ELK3: variants seen among roughly 807,000 people sequenced by gnomAD.
The protein encoded by ELK3 is ETS domain-containing protein Elk-3.
A neutral mutation model predicts 28.9 loss-of-function variants in ELK3; 10 were observed. That is an observed-to-expected ratio of 0.35 (90% CI 0.21 to 0.59). ELK3 has a LOEUF of 0.59. ELK3 is among the 20% of genes least tolerant of loss of function. The probability of loss-of-function intolerance (pLI) is 0.82; values close to 1 mark genes in which losing one functional copy is unlikely to be tolerated. For missense variants in ELK3, 463 were observed against 517.3 expected, an observed-to-expected ratio of 0.90 and a Z score of 1.02; for synonymous variants, 272 against 243.5, an observed-to-expected ratio of 1.12 and a Z score of -1.09.
rs375793862 is a variant in ELK3, at chr12:96,267,669, T to C, written c.*489T>C. 1 of 152,764 alleles carries C rather than the reference T, an allele frequency of 6.5e-6. No individual in the cohort carries two copies. The highest frequency in any genetic ancestry group is 2.1e-4 in the South Asian group (1 of 4,838). The allele number at this position is 152,764 out of a possible 1,614,324, so 9.5% of individuals were successfully genotyped here. On this transcript the variant is annotated 3_prime_UTR_variant, in exon 5 of 5. Coordinates refer to ENST00000228741, the MANE Select transcript of ELK3 (RefSeq NM_005230.4). The stretch of plus-strand genomic sequence containing the variant: ...TATCAAACAGCTCTCTAGTAGAATT[T>C]CATTATTTTTCACCAGTGGGCAATA...
chr12:96,266,764 A>G (rs1952034784), intron 4 of ELK3, among the ~76,000 whole-genome samples: 1 of 152,202 alleles, frequency 6.6e-6, no homozygotes, highest in African/African-American at 2.4e-5. Context: ...CATTATCAGC[A>G]TCCTGAGTAG....
At chr12:96,251,332 T>C (rs1169066685) in intron 3 of ELK3, among the ~76,000 whole-genome samples, 2 of 152,260 alleles carry the variant, frequency 1.3e-5, no homozygotes, top group Non-Finnish European at 2.9e-5. Flanking sequence ...GTGTTGTGTG[T>C]GTCCCAACTG....
At chr12:96,202,967 C>T (rs990104868) in intron 1 of ELK3, among the ~76,000 whole-genome samples, 1 of 152,164 alleles carries the variant, frequency 6.6e-6, no homozygotes, top group African/African-American at 2.4e-5. Flanking sequence ...ACTGCAACCT[C>T]TGCCTCCTGG....
intron 3 of ELK3, among the ~76,000 whole-genome samples, chr12:96,253,268 A>AAAAT (rs902858912): frequency 1.3e-5 from 2 of 152,228 alleles, no homozygotes; most frequent in African/African-American, 2.4e-5. Flanking sequence ...TCTCACCAAA[A>AAAAT]AAATAAATAA....
At chr12:96,198,639 GT>G (rs747392580) in intron 1 of ELK3, among the ~76,000 whole-genome samples, 4 of 151,762 alleles carry the variant, frequency 2.6e-5, no homozygotes, top group African/African-American at 4.8e-5. Flanking sequence ...AAGGTTGGTT[GT>G]TTTTTTTCCT....
intron 1 of ELK3, among the ~76,000 whole-genome samples, chr12:96,211,407 C>A (rs1416994750): frequency 6.6e-6 from 1 of 151,174 alleles, no homozygotes; most frequent in Non-Finnish European, 1.5e-5. Context: ...TATATTTTTC[C>A]TAGAGAATTT....
chr12:96,212,969 C>T (rs979730454), intron 1 of ELK3: 1 of 152,040 alleles, frequency 6.6e-6, no homozygotes, highest in Non-Finnish European at 1.5e-5. Context: ...AATCGAGAGC[C>T]AAAGAAATTG....
intron 3 of ELK3, among the ~76,000 whole-genome samples, chr12:96,249,930 ACCTGTG>A (rs896371019): frequency 2.6e-5 from 4 of 152,234 alleles, no homozygotes; most frequent in Middle Eastern, 3.4e-3. Flanking sequence ...TTACAAGAGG[ACCTGTG>A]CCTTAGGCAG....
chr12:96,200,440 T>C (rs551909264), intron 1 of ELK3, among the ~76,000 whole-genome samples: 42 of 152,288 alleles, frequency 2.8e-4, no homozygotes, highest in Admixed American at 1.0e-3. Context: ...TTAAGTGTTA[T>C]TGTATACATA....
intron 1 of ELK3, among the ~76,000 whole-genome samples, chr12:96,202,761 A>T (rs967688271): frequency 2.6e-5 from 4 of 151,532 alleles, no homozygotes; most frequent in Non-Finnish European, 5.9e-5. Flanking sequence ...TCCTGGCCTC[A>T]ACTGATCCGC....
chr12:96,205,176 G>A (rs1190145691), intron 1 of ELK3, among the ~76,000 whole-genome samples: 2 of 152,222 alleles, frequency 1.3e-5, no homozygotes, highest in East Asian at 1.9e-4. Flanking sequence ...GTTTCACAAC[G>A]AGAAGTCAGG....
intron 2 of ELK3, among the ~76,000 whole-genome samples, chr12:96,241,835 C>T (rs1395890787): frequency 6.6e-6 from 1 of 152,190 alleles, no homozygotes; most frequent in African/African-American, 2.4e-5. Flanking sequence ...GGAACTGCCA[C>T]TGGGCTCTGT....
intron 4 of ELK3, among the ~76,000 whole-genome samples, chr12:96,266,789 A>C (rs956943197): frequency 5.9e-5 from 9 of 152,198 alleles, no homozygotes; most frequent in African/African-American, 1.7e-4. Context: ...GAACTTTTAA[A>C]AAATAGTGTT....
intron 2 of ELK3, among the ~76,000 whole-genome samples, chr12:96,244,564 A>C (rs1951843612): frequency 1.3e-5 from 2 of 151,816 alleles, no homozygotes; most frequent in African/African-American, 4.8e-5. Context: ...ACATTTATAG[A>C]AGTTTGTCTT....
intron 2 of ELK3, among the ~76,000 whole-genome samples, chr12:96,229,379 G>A (rs992365124): frequency 4.9e-4 from 75 of 152,146 alleles, no homozygotes; most frequent in African/African-American, 1.8e-3. Context: ...TGCTCCCTCT[G>A]ACTCAGGTGG....
rs751879824 is a variant in ELK3 at position 96,247,087 on chromosome 12, C to T, written c.355C>T (p.Arg119Cys). The T allele has an allele frequency of 2.9e-5, 47 of 1,613,574 alleles. No homozygotes were observed. The highest frequency in any genetic ancestry group is 2.3e-4 in the Admixed American group (14 of 59,960). Residue 119 changes from arginine to cysteine, a missense_variant, in exon 3 of 5, where the codon CGC (arginine) becomes TGC (cysteine). Around this residue, in one of 2 missense-constraint regions of ELK3, gnomAD observed 408 missense variants for 414.8 expected, o/e 0.98. Coordinates refer to ENST00000228741, the MANE Select transcript of ELK3 (RefSeq NM_005230.4). This position sits in a 1 kb window ranked among gnomAD's most constrained non-coding sequence, Gnocchi z 5.5. ...DSDCKASPEG[R>C]EAHKHGLAAL... ...CGACTGCAAGGCGTCTCCGGAGGGC[C>T]GCGAGGCCCACAAACACGGCCTGGC...
chr12:96,210,290 C>G (rs1951567117), intron 1 of ELK3, among the ~76,000 whole-genome samples: 1 of 152,124 alleles, frequency 6.6e-6, no homozygotes, highest in African/African-American at 2.4e-5. Flanking sequence ...ATCCTAAACA[C>G]TGCTTTCTTA....
At chr12:96,262,390 A>G (rs953261977) in intron 4 of ELK3, among the ~76,000 whole-genome samples, 2 of 152,234 alleles carry the variant, frequency 1.3e-5, no homozygotes, top group African/African-American at 4.8e-5. Flanking sequence ...ACTGCAGACC[A>G]GAGGTTCCTA....
At chr12:96,230,773 A>C (rs1288534962) in intron 2 of ELK3, among the ~76,000 whole-genome samples, 1 of 152,214 alleles carries the variant, frequency 6.6e-6, no homozygotes, top group Non-Finnish European at 1.5e-5. Context: ...CACTGTGCTC[A>C]GAGGCTCCTT....
Sources: allele counts gnomAD v4.1 joint callset (sites outside exome capture counted in the v4.1 genomes callset), GRCh38; gene constraint gnomAD v4.1.1; regional missense constraint gnomAD v4.1.1; non-coding constraint Gnocchi (gnomAD v3.1); transcripts MANE v1.5; gene names NCBI Gene and HGNC (gene_info 2026-07-23, HGNC 2026-07-21).